Variants in ARNT observed in about 807,000 individuals in gnomAD.
The protein encoded by ARNT is aryl hydrocarbon receptor nuclear translocator.
A neutral mutation model predicts 105.0 loss-of-function variants in ARNT; 30 were observed. The observed-to-expected ratio is 0.29, with a 90% CI of 0.21 to 0.39. The LOEUF (loss-of-function observed/expected upper bound fraction) is 0.39, where lower values mean the gene tolerates loss of function less well. Ranked by LOEUF, ARNT falls within the 10% of genes least tolerant of loss-of-function variation. ARNT has a pLI of 1.00. For missense variants in ARNT, 748 were observed against 978.7 expected, an observed-to-expected ratio of 0.76 and a Z score of 3.15; for synonymous variants, 304 against 344.0, an observed-to-expected ratio of 0.88 and a Z score of 1.29.
intron 14 of ARNT, among the ~76,000 whole-genome samples, chr1:150,821,913 C>T (rs1028499696): frequency 1.4e-5 from 2 of 143,766 alleles, no homozygotes; most frequent in African/African-American, 5.2e-5. Context: ...CTCAAGTGAT[C>T]TGCTCAACTT....
chr1:150,837,152 T>C (rs1158886988), intron 6 of ARNT, among the ~76,000 whole-genome samples: 1 of 152,068 alleles, frequency 6.6e-6, no homozygotes, highest in Non-Finnish European at 1.5e-5. Context: ...GCTTGACAAA[T>C]ATTCCCACTT....
chr1:150,816,730 G>A (rs1655953730), intron 18 of ARNT, 58 bp downstream of exon 18: 6 of 1,482,736 alleles, frequency 4.0e-6, no homozygotes, highest in East Asian at 2.4e-5. Flanking sequence ...ATAAAATTTG[G>A]ATTCAGCAGC....
At chr1:150,842,704 G>A (rs141173666) in intron 4 of ARNT, among the ~76,000 whole-genome samples, 28 of 152,224 alleles carry the variant, frequency 1.8e-4, no homozygotes, top group African/African-American at 6.7e-4. Context: ...CATCTGTTAG[G>A]ATAAAGAAAA....
At chr1:150,845,166 A>G (rs1453632345) in intron 4 of ARNT, among the ~76,000 whole-genome samples, 6 of 152,158 alleles carry the variant, frequency 3.9e-5, no homozygotes, top group Admixed American at 3.3e-4. Flanking sequence ...TATGCATATA[A>G]TCCCAATATT....
Position 150,828,702 on chromosome 1 carries a change from T to C in ARNT, c.1167+391A>G, listed in dbSNP as rs1432887433. On this transcript the variant is annotated intron_variant, in intron 12 of 21. Transcript: ENST00000358595. The stretch of plus-strand genomic sequence containing the variant: ...AATTCAGAGATGGCTAACTGGTCTG[T>C]TGCATGAGTAAATTATAATAACTGG... 3.9e-5 allele frequency among the ~76,000 whole-genome samples: 6 copies of C among 152,232 alleles called. No individual in the cohort carries two copies. The East Asian group carries it at 1.2e-3, about 29-fold the overall frequency.
In ARNT at chr1:150,828,953, T is replaced by C. The variant is rs1448140282; in HGVS notation, c.1167+140A>G. 3 of 990,616 alleles carry C rather than the reference T, an allele frequency of 3.0e-6. No homozygotes were observed. The East Asian group carries it at 8.1e-5, about 27-fold the overall frequency. The allele number at this position is 990,616 out of a possible 1,614,324, so 61.4% of individuals were successfully genotyped here. A position where few individuals can be genotyped will look rare whatever the true frequency, so the allele number is the denominator to read the frequency against. ...AGTCCTAATAGGAAGCTGAAAATAATGTTAGGTACTAACAGAATATGATGA... is the reference window on the plus strand; with the variant it reads ...AGTCCTAATAGGAAGCTGAAAATAACGTTAGGTACTAACAGAATATGATGA... On this transcript the variant is annotated intron_variant, in intron 12 of 21. Coordinates refer to ENST00000358595, the MANE Select transcript of ARNT (RefSeq NM_001668.4).
chr1:150,817,307 A>G (rs942324249), intron 16 of ARNT, 54 bp downstream of exon 16: 15 of 1,612,022 alleles, frequency 9.3e-6, no homozygotes, highest in Middle Eastern at 1.7e-4. Flanking sequence ...GTACCGGAGA[A>G]CACTTCCTAA....
rs368471232 is a variant in ARNT, at chr1:150,836,353, G to C, written c.627C>G (p.Leu209=). 1.1e-5 allele frequency: 17 copies of C among 1,613,986 alleles called. No individual in the cohort carries two copies. In the African/African-American group the frequency reaches 1.1e-4, roughly 10 times the overall value. Residue 209 remains leucine (L), a synonymous_variant, in exon 7 of 22, where the codon CTC becomes CTG. Transcript: ENST00000358595. The part of the protein sequence containing the change: ...QPQSEWFGST[L]YDQVHPDDVD... ...CATCATCTGGGTGCACCTGATCATA[G>C]AGTGTGCTGCCAAACCATTCAGACT...
chr1:150,851,383 G>C (rs1317148754), intron 3 of ARNT, among the ~76,000 whole-genome samples: 9 of 152,312 alleles, frequency 5.9e-5, no homozygotes, highest in African/African-American at 1.7e-4. Context: ...TTGAGAACGG[G>C]CCATGATGAC....
intron 12 of ARNT, among the ~76,000 whole-genome samples, chr1:150,826,936 C>T (rs587710706): frequency 3.9e-5 from 6 of 152,016 alleles, no homozygotes; most frequent in African/African-American, 1.2e-4. Context: ...TGTGAGCCAC[C>T]GTGCCCAGCC....
At chr1:150,839,755 G>C in intron 5 of ARNT, 101 bp from the exon 6 acceptor site, 1 of 1,246,296 alleles carries the variant, frequency 8.0e-7, no homozygotes, top group Non-Finnish European at 1.1e-6. Context: ...GAAGAATGTG[G>C]TATTCAGATT....
intron 3 of ARNT, among the ~76,000 whole-genome samples, chr1:150,848,210 A>C (rs1662615938): frequency 6.6e-6 from 1 of 152,214 alleles, no homozygotes; most frequent in Non-Finnish European, 1.5e-5. Context: ...CCACACTTGT[A>C]ATCCCAGCAC....
intron 5 of ARNT, among the ~76,000 whole-genome samples, chr1:150,842,049 A>G (rs2101988256): frequency 2.6e-5 from 4 of 152,302 alleles, no homozygotes; most frequent in Middle Eastern, 6.8e-3. Flanking sequence ...GGAACTAATC[A>G]CAAATACAGA....
chr1:150,871,089 T>C (rs893499534), intron 1 of ARNT, among the ~76,000 whole-genome samples: 6 of 152,052 alleles, frequency 3.9e-5, no homozygotes, highest in African/African-American at 1.2e-4. Context: ...ATGTGAAAAG[T>C]TGGAGACAGT....
chr1:150,859,277 G>T (rs1035093255), intron 1 of ARNT, among the ~76,000 whole-genome samples: 1 of 148,770 alleles, frequency 6.7e-6, no homozygotes, highest in African/African-American at 2.5e-5. Flanking sequence ...CCTGCCCCCC[G>T]TACCTCTCCT....
At chr1:150,835,157 A>AG (rs1175567998) in intron 7 of ARNT, among the ~76,000 whole-genome samples, 2 of 150,984 alleles carry the variant, frequency 1.3e-5, no homozygotes, top group African/African-American at 2.4e-5. Context: ...AAAAAAGAAT[A>AG]AAAAGAAAAA....
intron 20 of ARNT, among the ~76,000 whole-genome samples, chr1:150,813,581 T>C (rs975956676): frequency 2.0e-5 from 3 of 152,202 alleles, no homozygotes; most frequent in African/African-American, 7.2e-5. Flanking sequence ...ATTAAATGTA[T>C]AAAAATTCAC....
At chr1:150,814,822 A>G (rs1417565955) in intron 19 of ARNT, among the ~76,000 whole-genome samples, 1 of 150,886 alleles carries the variant, frequency 6.6e-6, no homozygotes, top group Non-Finnish European at 1.5e-5. Flanking sequence ...TAGCCTGGGC[A>G]ACAGCGAGAC....
rs1660915592 is a variant in ARNT at position 150,839,625 on chromosome 1, C to T, written c.302G>A (p.Arg101Gln). The change falls in exon 6 of 22, where the codon CGA becomes CAA. Residue 101 changes from arginine (R) to glutamine (Q), a missense_variant. Physicochemically the swap from Arg to Gln is conservative, Grantham distance 43 (BLOSUM62 1). Coordinates refer to ENST00000358595, the MANE Select transcript of ARNT (RefSeq NM_001668.4). ...RENHSEIERRRRNKMTAYITE... is the reference protein window; with the variant it reads ...RENHSEIERRQRNKMTAYITE... ...GATGTAGGCTGTCATCTTGTTCCGTCGCCGCCGTTCAATTTCACTGTGATT... is the reference window on the plus strand; with the variant it reads ...GATGTAGGCTGTCATCTTGTTCCGTTGCCGCCGTTCAATTTCACTGTGATT... 2 of 1,613,866 alleles carry T rather than the reference C, an allele frequency of 1.2e-6. No homozygotes were observed. The highest frequency in any genetic ancestry group is 1.7e-6 in the Non-Finnish European group (2 of 1,179,990).
Sources: gnomAD v4.1 joint callset for allele counts (sites outside exome capture counted in the v4.1 genomes callset) on GRCh38, gnomAD v4.1.1 for gene constraint, MANE v1.5 for transcripts, NCBI Gene and HGNC (gene_info 2026-07-23, HGNC 2026-07-21) for gene names.